The following MACROH2A2 variants were observed in gnomAD, a reference collection of about 807,000 sequenced individuals.
The protein encoded by MACROH2A2 is macroH2A.2 histone.
A neutral mutation model predicts 37.6 loss-of-function variants in MACROH2A2; 6 were observed. The observed-to-expected ratio is 0.16, with a 90% CI of 0.09 to 0.32. The LOEUF is 0.32. Among genes scored for constraint, MACROH2A2 ranks in the 10% least tolerant of loss-of-function variants. The pLI is 1.00. For synonymous variants in MACROH2A2, 192 were observed against 202.7 expected (o/e 0.95, Z 0.45); for missense variants, 290 against 485.9 (o/e 0.60, Z 3.79).
At chr10:70,106,345 C>T (rs982117219) in intron 7 of MACROH2A2, among the ~76,000 whole-genome samples, 12 of 152,216 alleles carry the variant, frequency 7.9e-5, no homozygotes, top group African/African-American at 2.9e-4. Flanking sequence ...TCCTTGACAA[C>T]TCTGGAGAAC....
rs186465235 is a variant in MACROH2A2, at chr10:70,064,857, A to G, written c.-59-10743A>G. ...ATCAGCAGTGTGAAAATGAACTAAT[A>G]CAACTAGTTCCTAACTGGACACCTA... On this transcript the variant is annotated intron_variant, in intron 1 of 8. Coordinates refer to ENST00000373255, the MANE Select transcript of MACROH2A2 (RefSeq NM_018649.3). Among the ~76,000 whole-genome samples, 7 of 151,376 alleles carry G rather than the reference A, an allele frequency of 4.6e-5. No individual in the cohort carries two copies. In the East Asian group the frequency reaches 1.2e-3, roughly 26 times the overall value.
At chr10:70,066,175 C>CA (rs571532804) in intron 1 of MACROH2A2, among the ~76,000 whole-genome samples, 3 of 151,872 alleles carry the variant, frequency 2.0e-5, no homozygotes, top group Non-Finnish European at 2.9e-5. Flanking sequence ...CCCATCTCTA[C>CA]AAAAAAATCA....
At chr10:70,069,782 C>T (rs938591780) in intron 1 of MACROH2A2, among the ~76,000 whole-genome samples, 3 of 151,970 alleles carry the variant, frequency 2.0e-5, no homozygotes, top group Non-Finnish European at 2.9e-5. Context: ...AGGCCTACAC[C>T]GAGACTCCAA....
At chr10:70,081,068 CAA>C (rs34688764) in intron 2 of MACROH2A2, among the ~76,000 whole-genome samples, 11 of 45,828 alleles carry the variant, frequency 2.4e-4, no homozygotes, top group African/African-American at 2.7e-4. Context: ...CCCTGTCTCT[CAA>C]AAAAAAAAAA....
In MACROH2A2 at chr10:70,075,971, G is replaced by T; in HGVS notation, c.172+141G>T. 1.5e-6 allele frequency: 1 copy of T among 653,312 alleles called. No individual in the cohort carries two copies. The highest frequency in any genetic ancestry group is 2.7e-5 in the Admixed American group (1 of 36,638). The allele number at this position is 653,312 out of a possible 1,614,324, so 40.5% of individuals were successfully genotyped here. On this transcript the variant is annotated intron_variant, in intron 2 of 8. Transcript: ENST00000373255. The surrounding 1 kb of genome is among the most constrained non-coding windows in gnomAD (Gnocchi z 5.0). Reference sequence around the variant, plus strand: ...TGTGGGTGGTGACAGGGTTGCAACTGGCCTGCTTGGCTAAAATCAACTTCT... The same window carrying T: ...TGTGGGTGGTGACAGGGTTGCAACTTGCCTGCTTGGCTAAAATCAACTTCT...
chr10:70,061,464 T>C (rs1330723033), intron 1 of MACROH2A2, among the ~76,000 whole-genome samples: 1 of 152,188 alleles, frequency 6.6e-6, no homozygotes, highest in Non-Finnish European at 1.5e-5. Context: ...ACAAGCTACA[T>C]TATAGATCAA....
intron 2 of MACROH2A2, among the ~76,000 whole-genome samples, chr10:70,084,931 G>A (rs1258240565): frequency 6.6e-6 from 1 of 152,078 alleles, no homozygotes; most frequent in Non-Finnish European, 1.5e-5. Context: ...GTACCTATTG[G>A]GTCACCAGTG....
At chr10:70,082,416 CAAA>C (rs540113997) in intron 2 of MACROH2A2, among the ~76,000 whole-genome samples, 22 of 120,898 alleles carry the variant, frequency 1.8e-4, no homozygotes, top group Non-Finnish European at 2.2e-4. Flanking sequence ...GAAACTGTGT[CAAA>C]AAAAAAAAAA....
At chr10:70,085,561 G>C (rs1260219805) in intron 2 of MACROH2A2, among the ~76,000 whole-genome samples, 2 of 152,182 alleles carry the variant, frequency 1.3e-5, no homozygotes, top group African/African-American at 4.8e-5. Flanking sequence ...TCTGTGGGCT[G>C]GAATATCCAC....
chr10:70,108,644 C>A (rs949311731), intron 7 of MACROH2A2, among the ~76,000 whole-genome samples: 1 of 152,126 alleles, frequency 6.6e-6, no homozygotes, highest in African/African-American at 2.4e-5. Context: ...ACGGGAACAC[C>A]CACAGGTTTC....
intron 4 of MACROH2A2, among the ~76,000 whole-genome samples, chr10:70,093,051 G>T (rs1272719021): frequency 6.6e-6 from 1 of 151,878 alleles, no homozygotes; most frequent in Non-Finnish European, 1.5e-5. Flanking sequence ...ACCCAGGCTG[G>T]AGTACAGTAA....
chr10:70,101,530 C>T (rs752995152), intron 7 of MACROH2A2, among the ~76,000 whole-genome samples: 49 of 152,298 alleles, frequency 3.2e-4, no homozygotes, highest in Admixed American at 1.4e-3. Context: ...AAGGCGTTTT[C>T]GAATCTGGAC....
chr10:70,056,307 G>A (rs1400583968), intron 1 of MACROH2A2, among the ~76,000 whole-genome samples: 3 of 152,032 alleles, frequency 2.0e-5, no homozygotes, highest in African/African-American at 7.3e-5. Flanking sequence ...GAGTGCATTG[G>A]CACAATCTCA....
intron 8 of MACROH2A2, among the ~76,000 whole-genome samples, chr10:70,109,997 G>A (rs2072360652): frequency 6.6e-6 from 1 of 152,144 alleles, no homozygotes; most frequent in South Asian, 2.1e-4. Flanking sequence ...TGTGTCCTGG[G>A]AAGCCCAAGA....
chr10:70,103,035 G>A (rs1318319333), intron 7 of MACROH2A2, among the ~76,000 whole-genome samples: 1 of 152,054 alleles, frequency 6.6e-6, no homozygotes, highest in Non-Finnish European at 1.5e-5. Context: ...CCCAAAGCAA[G>A]GGGCTGCATG....
rs369386321 is a variant in MACROH2A2 at position 70,102,871 on chromosome 10, A to C, written c.778+2574A>C. On this transcript the variant is annotated intron_variant, in intron 7 of 8. Transcript: ENST00000373255. The stretch of plus-strand genomic sequence containing the variant: ...TTTAAAAACCCTAAGAGCCACACTC[A>C]AATATAAGATAAGCCTCCATGTAGA... Among the ~76,000 whole-genome samples, 20 of 151,776 alleles carry C rather than the reference A, an allele frequency of 1.3e-4. 1 individual carries two copies. Among genetic ancestry groups the C allele is most frequent in the African/African-American group, 4.9e-4 (20 of 41,042 alleles).
Position 70,075,852 on chromosome 10 carries a change from G to T in MACROH2A2, c.172+22G>T, listed in dbSNP as rs572184268. On this transcript the variant is annotated intron_variant, in intron 2 of 8. Transcript: ENST00000373255. The surrounding 1 kb of genome is among the most constrained non-coding windows in gnomAD (Gnocchi z 5.0). Reference sequence around the variant, plus strand: ...GCAGGTAATGAGGACACGCAAAGGAGGCTGCCTGCTCCCAGGTCCCCACCC... The same window carrying T: ...GCAGGTAATGAGGACACGCAAAGGATGCTGCCTGCTCCCAGGTCCCCACCC... 5.3e-5 allele frequency: 85 copies of T among 1,603,344 alleles called. No individual in the cohort carries two copies. In the South Asian group the frequency reaches 8.6e-4, roughly 16 times the overall value.
chr10:70,060,566 G>A (rs374423488), intron 1 of MACROH2A2, among the ~76,000 whole-genome samples: 10 of 152,008 alleles, frequency 6.6e-5, no homozygotes, highest in African/African-American at 2.4e-4. Context: ...GGTGGATCAG[G>A]CACACCAAGG....
chr10:70,070,578 T>C (rs915448609), intron 1 of MACROH2A2, among the ~76,000 whole-genome samples: 1 of 152,098 alleles, frequency 6.6e-6, no homozygotes, highest in Non-Finnish European at 1.5e-5. Flanking sequence ...TGCAACCTCC[T>C]CCTCCTGGGT....
Sources: allele counts gnomAD v4.1 joint callset (sites outside exome capture counted in the v4.1 genomes callset), GRCh38; gene constraint gnomAD v4.1.1; non-coding constraint Gnocchi (gnomAD v3.1); transcripts MANE v1.5; gene names NCBI Gene and HGNC (gene_info 2026-07-23, HGNC 2026-07-21).